The following CTNNA2 variants were observed in gnomAD, a reference collection of about 807,000 sequenced individuals.
The protein encoded by CTNNA2 is catenin alpha-2.
CTNNA2 carries 42 observed loss-of-function variants against 101.0 expected under a neutral mutation model. That is an observed-to-expected ratio of 0.42 (90% CI 0.32 to 0.54). CTNNA2 has a LOEUF of 0.54. Among genes scored for constraint, CTNNA2 ranks in the 20% least tolerant of loss-of-function variants. CTNNA2 has a pLI of 0.14. For synonymous variants in CTNNA2, 450 were observed against 456.4 expected (o/e 0.99, Z 0.18); for missense variants, 871 against 1,223.1 (o/e 0.71, Z 4.29).
chr2:79,970,288 CA>C (rs1440490332), intron 7 of CTNNA2, among the ~76,000 whole-genome samples: 1 of 152,178 alleles, frequency 6.6e-6, no homozygotes, highest in African/African-American at 2.4e-5. Flanking sequence ...CTTGCTAGAT[CA>C]GGGGCTTATT....
intron 2 of CTNNA2, among the ~76,000 whole-genome samples, chr2:79,212,772 T>A (rs866174525): frequency 1.3e-5 from 2 of 152,320 alleles, no homozygotes; most frequent in South Asian, 2.1e-4. Context: ...AAGAGGTATT[T>A]TAGTTTTCTG....
chr2:79,836,299 CTA>C (rs1268736045), intron 3 of CTNNA2, among the ~76,000 whole-genome samples: 1 of 152,168 alleles, frequency 6.6e-6, no homozygotes, highest in Non-Finnish European at 1.5e-5. Context: ...CCCTAGATGA[CTA>C]AACTTTTACT....
At chr2:79,391,631 T>C (rs77603972) in intron 4 of CTNNA2, among the ~76,000 whole-genome samples, 2,040 of 152,232 alleles carry the variant, frequency 0.013, 48 homozygotes, top group African/African-American at 0.046. Flanking sequence ...AAAAAACTGA[T>C]GAAGTGGGCA....
chr2:80,157,485 T>C (rs943695718), intron 7 of CTNNA2, among the ~76,000 whole-genome samples: 2 of 152,078 alleles, frequency 1.3e-5, no homozygotes, highest in African/African-American at 4.8e-5. Context: ...GCCTGTTAGA[T>C]GTGTGTATGT....
At chr2:80,137,776 G>T (rs1206473584) in intron 7 of CTNNA2, among the ~76,000 whole-genome samples, 1 of 151,658 alleles carries the variant, frequency 6.6e-6, no homozygotes, top group Non-Finnish European at 1.5e-5. Flanking sequence ...AGATAAACTA[G>T]GGCATTTCTA....
chr2:80,583,500 T>G (rs780680401), intron 14 of CTNNA2, among the ~76,000 whole-genome samples: 3 of 152,198 alleles, frequency 2.0e-5, no homozygotes, highest in Non-Finnish European at 4.4e-5. Context: ...ACCAGCATTG[T>G]TATGTCACTG....
chr2:79,339,166 G>A (rs1311040639), intron 3 of CTNNA2, among the ~76,000 whole-genome samples: 2 of 152,072 alleles, frequency 1.3e-5, no homozygotes, highest in African/African-American at 4.8e-5. Context: ...GCCCTGAGAA[G>A]TTATAACATA....
At chr2:79,657,694 C>T (rs1254244165) in intron 2 of CTNNA2, among the ~76,000 whole-genome samples, 1 of 151,514 alleles carries the variant, frequency 6.6e-6, no homozygotes, top group African/African-American at 2.4e-5. Flanking sequence ...CCTACCTAAG[C>T]TATTAGTAAA....
rs183412782 is a variant in CTNNA2 at position 79,952,488 on chromosome 2, T to C, written c.1056+42691T>C. On this transcript the variant is annotated intron_variant, in intron 7 of 18. Coordinates refer to ENST00000402739, the MANE Select transcript of CTNNA2 (RefSeq NM_001282597.3). Reference sequence around the variant, plus strand: ...TTAAAAACCACTGAATTGAACACTTTCAAGGGGTGAATTTCATGTCATATA... The same window carrying C: ...TTAAAAACCACTGAATTGAACACTTCCAAGGGGTGAATTTCATGTCATATA... Among the ~76,000 whole-genome samples the C allele has an allele frequency of 4.8e-3, 725 of 152,280 alleles. 4 individuals are homozygous for C. Among genetic ancestry groups the C allele is most frequent in the African/African-American group, 0.016 (674 of 41,550 alleles).
intron 7 of CTNNA2, among the ~76,000 whole-genome samples, chr2:80,169,307 C>T (rs901334549): frequency 2.6e-5 from 4 of 152,026 alleles, no homozygotes; most frequent in Non-Finnish European, 4.4e-5. Context: ...GAGCTGGGAT[C>T]GGAGGGGAGA....
At chr2:80,375,396 G>T (rs1675846595) in intron 7 of CTNNA2, among the ~76,000 whole-genome samples, 1 of 151,988 alleles carries the variant, frequency 6.6e-6, no homozygotes, top group South Asian at 2.1e-4. Flanking sequence ...TAGGTTGTGG[G>T]GATAGGGGTG....
intron 4 of CTNNA2, among the ~76,000 whole-genome samples, chr2:79,864,833 A>C (rs1047341126): frequency 3.3e-5 from 5 of 152,188 alleles, no homozygotes; most frequent in African/African-American, 1.2e-4. Context: ...ACTTGCTGTG[A>C]GACTTCTGAC....
chr2:80,320,447 C>A (rs927170962), intron 7 of CTNNA2, among the ~76,000 whole-genome samples: 1 of 152,298 alleles, frequency 6.6e-6, no homozygotes. Flanking sequence ...TAGGATTGAG[C>A]CTTCACCTTC....
At chr2:79,553,474 TA>T (rs1373670059) in intron 1 of CTNNA2, among the ~76,000 whole-genome samples, 1 of 152,192 alleles carries the variant, frequency 6.6e-6, no homozygotes, top group African/African-American at 2.4e-5. Flanking sequence ...TGCATTGCTG[TA>T]AAGAACTACT....
chr2:79,803,019 GA>G (rs1216333905), intron 3 of CTNNA2, among the ~76,000 whole-genome samples: 5 of 152,094 alleles, frequency 3.3e-5, no homozygotes, highest in Middle Eastern at 3.4e-3. Context: ...ATAATGTAAT[GA>G]AAAAAATGCA....
chr2:80,339,176 T>C (rs1351570023), intron 7 of CTNNA2, among the ~76,000 whole-genome samples: 1 of 149,514 alleles, frequency 6.7e-6, no homozygotes, highest in African/African-American at 2.6e-5. Context: ...TAATATAACG[T>C]GTGTGTGTGT....
intron 2 of CTNNA2, among the ~76,000 whole-genome samples, chr2:79,232,658 CA>C (rs928801027): frequency 6.6e-6 from 1 of 152,080 alleles, no homozygotes; most frequent in Non-Finnish European, 1.5e-5. Context: ...ACTGTAAATC[CA>C]TCTAGTTTAG....
At chr2:79,191,282 C>G (rs17754855) in intron 1 of CTNNA2, among the ~76,000 whole-genome samples, 19,672 of 152,220 alleles carry the variant, frequency 0.13, 1,596 homozygotes, top group Non-Finnish European at 0.18. Context: ...CAGCTAAGTT[C>G]CATTTTGAAC....
At chr2:79,236,761 C>T (rs1018980990) in intron 2 of CTNNA2, among the ~76,000 whole-genome samples, 2 of 152,186 alleles carry the variant, frequency 1.3e-5, no homozygotes, top group African/African-American at 4.8e-5. Flanking sequence ...AAACCACTTT[C>T]TTTGCTTATC....
Sources: gnomAD v4.1 joint callset for allele counts (sites outside exome capture counted in the v4.1 genomes callset) on GRCh38, gnomAD v4.1.1 for gene constraint, MANE v1.5 for transcripts, NCBI Gene and HGNC (gene_info 2026-07-23, HGNC 2026-07-21) for gene names.